Variants in CPN2 observed in about 807,000 individuals in gnomAD.
CPN2 encodes the protein carboxypeptidase N 83 kDa chain.
For missense variants in CPN2, 620 were observed against 671.4 expected (o/e 0.92, Z 0.85); for synonymous variants, 336 against 318.4 (o/e 1.06, Z -0.59).
chr3:194,349,050 G>A (rs1713158652), intron 1 of CPN2, among the ~76,000 whole-genome samples: 1 of 152,132 alleles, frequency 6.6e-6, no homozygotes, highest in East Asian at 1.9e-4. Flanking sequence ...AAACATAATA[G>A]AAGCTTATGT....
chr3:194,342,662 A>T lies in CPN2; in HGVS notation c.41T>A (p.Leu14His). Residue 14 changes from leucine (L) to histidine (H), a missense_variant, in exon 2 of 2, where the codon CTC becomes CAC. Coordinates refer to ENST00000323830, the MANE Select transcript of CPN2 (RefSeq NM_001080513.4). ...GAWLLWTSLL[L>H]LARPAQPCPM... ...ACAGGGCTGGGCAGGCCTGGCCAGG[A>T]GCAGGAGGGAGGTCCAGAGCAGCCA... The T allele has an allele frequency of 6.3e-7, 1 of 1,591,054 alleles. No homozygotes were observed. The highest frequency in any genetic ancestry group is 1.1e-5 in the South Asian group (1 of 89,676).
rs756104149 is a variant in CPN2, at chr3:194,342,062, C to T, written c.641G>A (p.Gly214Asp). The change falls in exon 2 of 2, where the codon GGC (glycine) becomes GAC (aspartate). Residue 214 changes from glycine (G) to aspartate (D), a missense_variant. Coordinates refer to ENST00000323830, the MANE Select transcript of CPN2 (RefSeq NM_001080513.4). ...GAGCTCCTGCAGGCTGCCCAGTTTG[C>T]CAAACACACCCTGGGGGAGACCAGA... ...ALSGLPQGVFGKLGSLQELFL... is the reference protein window; with the variant it reads ...ALSGLPQGVFDKLGSLQELFL... 1.2e-6 allele frequency: 2 copies of T among 1,614,156 alleles called. No homozygotes were observed. Among genetic ancestry groups the T allele is most frequent in the African/African-American group, 1.3e-5 (1 of 75,020 alleles).
rs1712749637 is a variant in CPN2 at position 194,340,162 on chromosome 3, TTTC to T, written c.*900_*902del. 6.6e-6 allele frequency: 1 copy of T among 152,158 alleles called. No homozygotes were observed. Among genetic ancestry groups the T allele is most frequent in the Non-Finnish European group, 1.5e-5 (1 of 68,036 alleles). The allele number at this position is 152,158 out of a possible 1,614,324, so 9.4% of individuals were successfully genotyped here. The stretch of plus-strand genomic sequence containing the variant: ...GAGAGAGAGAGCAGGTTGTAAACTG[TTTC>T]TTATCGACTTAAAAGGGGTGCCTGG... On this transcript the variant is annotated 3_prime_UTR_variant, in exon 2 of 2. Transcript: ENST00000323830.
chr3:194,341,934 G>T lies in CPN2; in HGVS notation c.769C>A (p.Pro257Thr). 6.2e-7 allele frequency: 1 copy of T among 1,614,158 alleles called. No individual in the cohort carries two copies. Among genetic ancestry groups the T allele is most frequent in the Non-Finnish European group, 8.5e-7 (1 of 1,180,036 alleles). The change falls in exon 2 of 2, where the codon CCG becomes ACG. Residue 257 changes from proline (P) to threonine (T), a missense_variant. Coordinates refer to ENST00000323830, the MANE Select transcript of CPN2 (RefSeq NM_001080513.4). ...CCCAGGGAGGCAAAGATGGAGAGCG[G>T]CAGGTGCGTGATGGCGTTGCGTTGC... Reference protein sequence around the residue: ...WLQRNAITHLPLSIFASLGNL... With the variant: ...WLQRNAITHLTLSIFASLGNL...
At position 194,341,593 on chromosome 3, in the gene CPN2, C is replaced by G; in HGVS notation, c.1110G>C (p.Lys370Asn). 1 of 1,614,138 alleles carries G rather than the reference C, an allele frequency of 6.2e-7. No homozygotes were observed. Residue 370 changes from lysine to asparagine, a missense_variant, in exon 2 of 2, where the codon AAG becomes AAC. Lys to Asn is a moderately conservative substitution (Grantham distance 94). Coordinates refer to ENST00000323830, the MANE Select transcript of CPN2 (RefSeq NM_001080513.4). ...LSKLELLSLS[K>N]NQLTTLPEGI... The stretch of plus-strand genomic sequence containing the variant: ...CCTCCGGAAGTGTGGTCAGCTGGTT[C>G]TTGGAGAGGCTGAGCAGCTCCAGCT...
Position 194,341,859 on chromosome 3 carries a change from C to T in CPN2, c.844G>A (p.Ala282Thr), listed in dbSNP as rs142756310. The change falls in exon 2 of 2, where the codon GCC (alanine) becomes ACC (threonine). Residue 282 changes from alanine (A) to threonine (T), a missense_variant. Physicochemically the swap from Ala to Thr is moderately conservative, Grantham distance 58. Transcript: ENST00000323830. The part of the protein sequence containing the change: ...LQWNMLRVLP[A>T]GLFAHTPCLV... Reference sequence around the variant, plus strand: ...CACGGGGTGTGGGCAAAGAGGCCGGCAGGCAGGACCCGAAGCATGTTCCAC... The same window carrying T: ...CACGGGGTGTGGGCAAAGAGGCCGGTAGGCAGGACCCGAAGCATGTTCCAC... 11 of 1,613,934 alleles carry T rather than the reference C, an allele frequency of 6.8e-6. No homozygotes were observed. The highest frequency in any genetic ancestry group is 2.2e-5 in the East Asian group (1 of 44,898).
In CPN2 at chr3:194,342,031, C is replaced by T; in HGVS notation, c.672G>A (p.Leu224=). The change falls in exon 2 of 2, where the codon CTG becomes CTA. Residue 224 remains leucine, a synonymous_variant. Transcript: ENST00000323830. ...GKLGSLQELF[L]DSNNISELPP... is the part of the protein sequence containing the mutation. ...GCAGCTCCGAGATGTTGTTGCTGTC[C>T]AGGAAGAGCTCCTGCAGGCTGCCCA... 1 of 1,614,180 alleles carries T rather than the reference C, an allele frequency of 6.2e-7. No individual in the cohort carries two copies. The highest frequency in any genetic ancestry group is 2.2e-5 in the East Asian group (1 of 44,882).
At chr3:194,347,025 G>T (rs1713069456) in intron 1 of CPN2, among the ~76,000 whole-genome samples, 2 of 152,180 alleles carry the variant, frequency 1.3e-5, no homozygotes, top group African/African-American at 4.8e-5. Context: ...GGTCACTGGG[G>T]AGCTCTGGAG....
intron 1 of CPN2, among the ~76,000 whole-genome samples, chr3:194,345,075 T>G (rs1448866242): frequency 6.6e-6 from 1 of 152,166 alleles, no homozygotes; most frequent in Non-Finnish European, 1.5e-5. Context: ...ACCCTAACAC[T>G]CAGCACAGGT....
intron 1 of CPN2, among the ~76,000 whole-genome samples, chr3:194,350,652 T>C (rs1300287223): frequency 6.6e-6 from 1 of 152,106 alleles, no homozygotes; most frequent in Non-Finnish European, 1.5e-5. Flanking sequence ...CAAACTTTAT[T>C]ATATGAGCCA....
chr3:194,341,202 A>C lies in CPN2; in HGVS notation c.1501T>G (p.Trp501Gly). The change falls in exon 2 of 2, where the codon TGG (tryptophan) becomes GGG (glycine). Residue 501 changes from tryptophan to glycine, a missense_variant. By Grantham distance (184) the Trp-to-Gly change is radical. Coordinates refer to ENST00000323830, the MANE Select transcript of CPN2 (RefSeq NM_001080513.4). ...VLACDQAQCR[W>G]LNVQLSPQQG... The stretch of plus-strand genomic sequence containing the variant: ...TGAGGAGAGAGCTGGACGTTCAGCC[A>C]GCGACACTGGGCCTGGTCACAGGCG... 2 of 1,613,556 alleles carry C rather than the reference A, an allele frequency of 1.2e-6. No homozygotes were observed. The highest frequency in any genetic ancestry group is 1.7e-6 in the Non-Finnish European group (2 of 1,180,012).
Position 194,341,667 on chromosome 3 carries a change from T to C in CPN2, c.1036A>G (p.Ser346Gly). 6 of 1,614,186 alleles carry C rather than the reference T, an allele frequency of 3.7e-6. No individual in the cohort carries two copies. Among genetic ancestry groups the C allele is most frequent in the Non-Finnish European group, 5.1e-6 (6 of 1,180,024 alleles). The change falls in exon 2 of 2, where the codon AGC becomes GGC. Residue 346 changes from serine to glycine, a missense_variant. By Grantham distance (56) the Ser-to-Gly change is moderately conservative. Transcript: ENST00000323830. The stretch of plus-strand genomic sequence containing the variant: ...GGGTGCAGCGCCGTAAGGTTGTTGC[T>C]GCCCAGGTAGAGTTTGACCAACTCC... ...LEELVKLYLG[S>G]NNLTALHPAL...
intron 1 of CPN2, among the ~76,000 whole-genome samples, chr3:194,345,447 C>T (rs933356475): frequency 6.6e-6 from 1 of 152,246 alleles, no homozygotes; most frequent in Non-Finnish European, 1.5e-5. Flanking sequence ...CTGCCTCAGC[C>T]TCCAGAGTGG....
Position 194,341,840 on chromosome 3 carries a change from G to A in CPN2, c.863C>T (p.Thr288Ile), listed in dbSNP as rs765952463. The A allele has an allele frequency of 1.2e-6, 2 of 1,613,984 alleles. No homozygotes were observed. The highest frequency in any genetic ancestry group is 1.7e-6 in the Non-Finnish European group (2 of 1,179,856). Residue 288 changes from threonine to isoleucine, a missense_variant, in exon 2 of 2, where the codon ACC (threonine) becomes ATC (isoleucine). By Grantham distance (89) the Thr-to-Ile change is moderately conservative (BLOSUM62 -1). Transcript: ENST00000323830. Reference sequence around the variant, plus strand: ...CAGAGACAGGCCAACCAGGCACGGGGTGTGGGCAAAGAGGCCGGCAGGCAG... The same window carrying A: ...CAGAGACAGGCCAACCAGGCACGGGATGTGGGCAAAGAGGCCGGCAGGCAG... ...RVLPAGLFAH[T>I]PCLVGLSLTH...
In CPN2 at chr3:194,341,810, TG is replaced by T; in HGVS notation, c.892del (p.His298IlefsTer76). On this transcript the variant is annotated frameshift_variant, in exon 2 of 2. Coordinates refer to ENST00000323830, the MANE Select transcript of CPN2 (RefSeq NM_001080513.4). LOFTEE classifies it low-confidence loss of function (END_TRUNC). ...CTCAGCGACAGTCTCCAGCTGGTTA[TG>T]GGTCAGAGACAGGCCAACCAGGCAC... The part of the protein sequence containing the change: ...TPCLVGLSLT[H>X]NQLETVAEGT... The T allele has an allele frequency of 6.2e-7, 1 of 1,613,878 alleles. No individual in the cohort carries two copies. The highest frequency in any genetic ancestry group is 8.5e-7 in the Non-Finnish European group (1 of 1,179,832).
chr3:194,343,219 CA>C (rs1349895767), intron 1 of CPN2, among the ~76,000 whole-genome samples: 1 of 152,154 alleles, frequency 6.6e-6, no homozygotes, highest in Non-Finnish European at 1.5e-5. Flanking sequence ...AGGAGATTTC[CA>C]ACGTCATGTG....
In CPN2 at chr3:194,342,173, G is replaced by T. The variant is rs780517222; in HGVS notation, c.530C>A (p.Ala177Asp). The change falls in exon 2 of 2, where the codon GCC becomes GAC. Residue 177 changes from alanine (A) to aspartate (D), a missense_variant. Transcript: ENST00000323830. ...CGGGAGCTGGGCCAGGAGGTTCTGG[G>T]CCAGGTTGAGTGTCTTCAGATGGGT... is the stretch of plus-strand genomic sequence containing the variant. ...PLTHLKTLNL[A>D]QNLLAQLPEE... 2 of 1,614,088 alleles carry T rather than the reference G, an allele frequency of 1.2e-6. No homozygotes were observed. The highest frequency in any genetic ancestry group is 1.7e-6 in the Non-Finnish European group (2 of 1,179,970).
intron 1 of CPN2, among the ~76,000 whole-genome samples, chr3:194,348,301 C>T (rs113790610): frequency 0.17 from 2,980 of 17,300 alleles, 984 homozygotes; most frequent in East Asian, 0.45. Context: ...CCAGTTCATC[C>T]CACCCCATCC....
In CPN2 at chr3:194,341,776, A is replaced by G. The variant is rs754492495; in HGVS notation, c.927T>C (p.Phe309=). ...GGGAACGCAGGTTGGACAGGTGGGC[A>G]AAGGTGCCCTCAGCGACAGTCTCCA... The part of the protein sequence containing the change: ...NQLETVAEGT[F]AHLSNLRSLM... The change falls in exon 2 of 2, where the codon TTT becomes TTC. Residue 309 remains phenylalanine (F), a synonymous_variant. Transcript: ENST00000323830. 4 of 1,613,902 alleles carry G rather than the reference A, an allele frequency of 2.5e-6. No homozygotes were observed. The Admixed American group carries it at 5.0e-5, about 20-fold the overall frequency.
Sources: gnomAD v4.1 joint callset for allele counts (sites outside exome capture counted in the v4.1 genomes callset) on GRCh38, gnomAD v4.1.1 for gene constraint, MANE v1.5 for transcripts, NCBI Gene and HGNC (gene_info 2026-07-23, HGNC 2026-07-21) for gene names.